SNTG1: variants seen among roughly 807,000 people sequenced by gnomAD.
SNTG1 encodes the protein gamma-1-syntrophin.
In SNTG1, 39 loss-of-function variants were observed where a neutral mutation model predicts 74.7. The observed-to-expected ratio is 0.52, with a 90% CI of 0.40 to 0.68. The LOEUF is 0.68. SNTG1 is among the 30% of genes least tolerant of loss of function. The probability of loss-of-function intolerance (pLI) is 0.00; values close to 1 mark genes in which losing one functional copy is unlikely to be tolerated. For synonymous variants in SNTG1, 254 were observed against 217.1 expected, an observed-to-expected ratio of 1.17 and a Z score of -1.49; for missense variants, 685 against 609.5, an observed-to-expected ratio of 1.12 and a Z score of -1.30.
intron 2 of SNTG1, among the ~76,000 whole-genome samples, chr8:50,199,403 A>C (rs1283686649): frequency 6.6e-6 from 1 of 151,960 alleles, no homozygotes; most frequent in Admixed American, 6.6e-5. Context: ...TTTTTATTAA[A>C]GACAGTGTTT....
chr8:50,348,050 G>A (rs752444665), intron 2 of SNTG1, among the ~76,000 whole-genome samples: 2 of 152,210 alleles, frequency 1.3e-5, no homozygotes, highest in African/African-American at 2.4e-5. Flanking sequence ...GCAGTTAATT[G>A]CTCTGATTGA....
At chr8:50,108,099 C>G (rs2080449460) in intron 1 of SNTG1, among the ~76,000 whole-genome samples, 1 of 152,106 alleles carries the variant, frequency 6.6e-6, no homozygotes. Flanking sequence ...GAGGTAGCCA[C>G]CAACGTGGGT....
chr8:50,102,892 G>T (rs966937623), intron 1 of SNTG1, among the ~76,000 whole-genome samples: 1 of 149,324 alleles, frequency 6.7e-6, no homozygotes, highest in Non-Finnish European at 1.5e-5. Flanking sequence ...TTATTTCTGA[G>T]GGCTCTGTTC....
chr8:50,690,086 G>A (rs2095371007), intron 15 of SNTG1, among the ~76,000 whole-genome samples: 1 of 152,150 alleles, frequency 6.6e-6, no homozygotes, highest in Non-Finnish European at 1.5e-5. Context: ...TGTGGGATCG[G>A]TGGTGATATC....
At chr8:50,095,139 C>A (rs968155611) in intron 1 of SNTG1, among the ~76,000 whole-genome samples, 13 of 152,044 alleles carry the variant, frequency 8.6e-5, no homozygotes, top group African/African-American at 3.1e-4. Context: ...GAGCAATAAA[C>A]GTCAGGGTCT....
At chr8:50,302,148 C>A (rs530375994) in intron 2 of SNTG1, among the ~76,000 whole-genome samples, 1 of 152,286 alleles carries the variant, frequency 6.6e-6, no homozygotes, top group African/African-American at 2.4e-5. Context: ...TTGAGTGACA[C>A]TTTGCTGACA....
intron 1 of SNTG1, among the ~76,000 whole-genome samples, chr8:50,109,152 A>C (rs2131291889): frequency 6.6e-6 from 1 of 152,278 alleles, no homozygotes; most frequent in South Asian, 2.1e-4. Flanking sequence ...AGTTCATAGG[A>C]AGCCAATTCA....
In SNTG1 at chr8:50,245,590, G is replaced by A. The variant is rs1240072395; in HGVS notation, c.-28+72955G>A. 2.0e-5 allele frequency among the ~76,000 whole-genome samples: 3 copies of A among 152,174 alleles called. No homozygotes were observed. In the South Asian group the frequency reaches 6.2e-4, roughly 32 times the overall value. On this transcript the variant is annotated intron_variant, in intron 2 of 18. Transcript: ENST00000642720. Reference sequence around the variant, plus strand: ...CTCAGCTACTTGGGAGGCTGAGGCAGGAGAATCCCTTGAACCCAGGAGGCG... The same window carrying A: ...CTCAGCTACTTGGGAGGCTGAGGCAAGAGAATCCCTTGAACCCAGGAGGCG...
chr8:50,540,601 C>T lies in SNTG1; in HGVS notation c.680+3793C>T, dbSNP rs182750833. Among the ~76,000 whole-genome samples, 162 of 152,114 alleles carry T rather than the reference C, an allele frequency of 1.1e-3. 1 individual carries two copies. The highest frequency in any genetic ancestry group is 3.8e-3 in the African/African-American group (156 of 41,518). On this transcript the variant is annotated intron_variant, in intron 11 of 18. Transcript: ENST00000642720. ...TTTACATAAACATGGTAAAGTGTCC[C>T]ACTATGATGGTAGATCTGTGTGTTT... is the stretch of plus-strand genomic sequence containing the variant.
At chr8:50,121,853 G>A (rs562127673) in intron 1 of SNTG1, among the ~76,000 whole-genome samples, 1 of 142,130 alleles carries the variant, frequency 7.0e-6, no homozygotes, top group South Asian at 2.6e-4. Flanking sequence ...ATAACGCAAT[G>A]TTTAAGCTTG....
At chr8:50,617,839 C>T (rs191977469) in intron 13 of SNTG1, among the ~76,000 whole-genome samples, 6 of 152,290 alleles carry the variant, frequency 3.9e-5, no homozygotes, top group Non-Finnish European at 5.9e-5. Context: ...ATACCATAAC[C>T]GATTAGGTCA....
At chr8:50,498,474 G>A (rs577379536) in intron 8 of SNTG1, among the ~76,000 whole-genome samples, 1 of 151,850 alleles carries the variant, frequency 6.6e-6, no homozygotes, top group South Asian at 2.1e-4. Flanking sequence ...TGAGTTTTGA[G>A]TGTTCTGAAA....
rs1264321598 is a variant in SNTG1, at chr8:50,450,614, A to G, written c.321+15A>G. On this transcript the variant is annotated intron_variant, in intron 7 of 18. Coordinates refer to ENST00000642720, the MANE Select transcript of SNTG1 (RefSeq NM_018967.5). The stretch of plus-strand genomic sequence containing the variant: ...CAATTCTACAGGTATACATTTTATC[A>G]CTATATGTGTGGTCAAAACATTAAC... 1.2e-6 allele frequency: 2 copies of G among 1,613,362 alleles called. No individual in the cohort carries two copies. Among genetic ancestry groups the G allele is most frequent in the African/African-American group, 2.7e-5 (2 of 74,916 alleles).
intron 4 of SNTG1, among the ~76,000 whole-genome samples, chr8:50,420,458 G>C (rs747094483): frequency 2.6e-5 from 4 of 151,774 alleles, no homozygotes; most frequent in Admixed American, 2.0e-4. Context: ...AGAAAATCAA[G>C]ACATCATAAG....
intron 13 of SNTG1, among the ~76,000 whole-genome samples, chr8:50,593,079 T>C (rs1319020332): frequency 6.6e-6 from 1 of 152,206 alleles, no homozygotes; most frequent in Non-Finnish European, 1.5e-5. Context: ...CTCCCTCATA[T>C]TCCTGATGTT....
intron 1 of SNTG1, among the ~76,000 whole-genome samples, chr8:50,091,719 T>C (rs2079745649): frequency 6.6e-6 from 1 of 152,166 alleles, no homozygotes; most frequent in African/African-American, 2.4e-5. Flanking sequence ...TTTATGTTTT[T>C]CTTGAGAATA....
intron 8 of SNTG1, among the ~76,000 whole-genome samples, chr8:50,493,851 A>G (rs533301757): frequency 6.6e-6 from 1 of 151,878 alleles, no homozygotes; most frequent in Admixed American, 6.5e-5. Flanking sequence ...TGTCAAATAC[A>G]GTCAGGTACC....
intron 9 of SNTG1, among the ~76,000 whole-genome samples, chr8:50,513,450 C>T (rs2094103188): frequency 6.6e-6 from 1 of 152,226 alleles, no homozygotes; most frequent in African/African-American, 2.4e-5. Flanking sequence ...AGCTGTCAGA[C>T]AGGGATATTT....
intron 2 of SNTG1, among the ~76,000 whole-genome samples, chr8:50,290,129 C>T (rs1300209442): frequency 6.6e-6 from 1 of 152,182 alleles, no homozygotes; most frequent in Non-Finnish European, 1.5e-5. Context: ...CTCTATCCCA[C>T]ACAGGGCTGG....
Sources: gnomAD v4.1 joint callset for allele counts (sites outside exome capture counted in the v4.1 genomes callset) on GRCh38, gnomAD v4.1.1 for gene constraint, MANE v1.5 for transcripts, NCBI Gene and HGNC (gene_info 2026-07-23, HGNC 2026-07-21) for gene names.